The following CDH13 variants were observed in gnomAD, a reference collection of about 807,000 sequenced individuals.
The protein encoded by CDH13 is cadherin-13.
In CDH13, 24 loss-of-function variants were observed where a neutral mutation model predicts 63.8. That is an observed-to-expected ratio of 0.38 (90% confidence interval 0.27 to 0.53). The LOEUF (loss-of-function observed/expected upper bound fraction) is 0.53, where lower values mean the gene tolerates loss of function less well. Among genes scored for constraint, CDH13 ranks in the 20% least tolerant of loss-of-function variants. CDH13 has a pLI of 0.85. For missense variants in CDH13, 1,049 were observed against 903.1 expected (o/e 1.16, Z -2.07); for synonymous variants, 503 against 355.3 (o/e 1.42, Z -4.67).
chr16:83,290,958 C>G (rs889495690), intron 5 of CDH13, among the ~76,000 whole-genome samples: 2 of 152,156 alleles, frequency 1.3e-5, no homozygotes, highest in African/African-American at 4.8e-5. Flanking sequence ...CCGTGAGGAG[C>G]CTCCTTCCAC....
intron 5 of CDH13, among the ~76,000 whole-genome samples, chr16:83,341,845 T>C (rs1297334852): frequency 2.0e-5 from 3 of 152,188 alleles, no homozygotes; most frequent in African/African-American, 2.4e-5. Flanking sequence ...GAGTCTGCTA[T>C]TGCTATTCCT....
chr16:83,268,764 C>A (rs1283991697), intron 5 of CDH13, among the ~76,000 whole-genome samples: 1 of 152,172 alleles, frequency 6.6e-6, no homozygotes, highest in East Asian at 1.9e-4. Context: ...AGTCCATGAA[C>A]TACTATTGGG....
At chr16:82,918,130 G>A (rs1327605788) in intron 2 of CDH13, among the ~76,000 whole-genome samples, 1 of 152,156 alleles carries the variant, frequency 6.6e-6, no homozygotes, top group African/African-American at 2.4e-5. Flanking sequence ...AGCAAATGCA[G>A]AACCACACAG....
At chr16:82,799,312 A>G (rs1057103458) in intron 1 of CDH13, among the ~76,000 whole-genome samples, 2 of 152,228 alleles carry the variant, frequency 1.3e-5, no homozygotes, top group Non-Finnish European at 2.9e-5. Flanking sequence ...GAAATATTGT[A>G]TACAGCCCAA....
At chr16:82,755,703 T>A (rs1293283759) in intron 1 of CDH13, among the ~76,000 whole-genome samples, 1 of 152,182 alleles carries the variant, frequency 6.6e-6, no homozygotes, top group Admixed American at 6.5e-5. Context: ...GACGTCAAGG[T>A]CTATGAGCAA....
In CDH13 at chr16:82,803,240, A is replaced by C. The variant is rs1246376633; in HGVS notation, c.46-55122A>C. On this transcript the variant is annotated intron_variant, in intron 1 of 13. Transcript: ENST00000567109. ...CCATGGTGCTTGAATAGCACCACAA[A>C]GACGTGGAGAGGTAAAAGACATAAG... Among the ~76,000 whole-genome samples the C allele has an allele frequency of 2.0e-5, 3 of 152,216 alleles. No individual in the cohort carries two copies. The East Asian group carries it at 5.8e-4, about 29-fold the overall frequency.
At chr16:83,793,644 A>G (rs2151022893) in intron 13 of CDH13, among the ~76,000 whole-genome samples, 1 of 152,176 alleles carries the variant, frequency 6.6e-6, no homozygotes, top group East Asian at 1.9e-4. Context: ...TGGAACCTGT[A>G]AACATGTTAC....
At chr16:83,730,696 C>A (rs183636976) in intron 10 of CDH13, among the ~76,000 whole-genome samples, 1 of 152,176 alleles carries the variant, frequency 6.6e-6, no homozygotes, top group Admixed American at 6.5e-5. Context: ...TTCAGGGGGT[C>A]CATGGGCAGG....
chr16:83,192,468 A>G (rs2038749125), intron 4 of CDH13, among the ~76,000 whole-genome samples: 1 of 152,174 alleles, frequency 6.6e-6, no homozygotes. Context: ...ACTAGCTGCA[A>G]TCTTGCATTT....
At chr16:83,191,528 C>CATATATATATATATATATATAT (rs1479803621) in intron 4 of CDH13, among the ~76,000 whole-genome samples, 1 of 70,104 alleles carries the variant, frequency 1.4e-5, no homozygotes, top group African/African-American at 6.8e-5. Context: ...CACACACACA[C>CATATATATATATATATATATAT]ACATATATAT....
intron 5 of CDH13, among the ~76,000 whole-genome samples, chr16:83,290,270 C>T (rs1389097103): frequency 1.3e-5 from 2 of 152,312 alleles, no homozygotes; most frequent in South Asian, 4.1e-4. Flanking sequence ...AAACAATTCA[C>T]TCTTCAGTCC....
chr16:82,944,016 T>A (rs1037634779), intron 2 of CDH13, among the ~76,000 whole-genome samples: 2 of 152,182 alleles, frequency 1.3e-5, no homozygotes, highest in African/African-American at 4.8e-5. Flanking sequence ...AGATAGCCCT[T>A]TATCAGCTGA....
At chr16:83,469,754 A>G (rs2073408504) in intron 6 of CDH13, among the ~76,000 whole-genome samples, 1 of 152,196 alleles carries the variant, frequency 6.6e-6, no homozygotes, top group African/African-American at 2.4e-5. Flanking sequence ...GTTGAATAAA[A>G]TGCATTGTTT....
intron 4 of CDH13, among the ~76,000 whole-genome samples, chr16:83,148,261 C>T (rs1056685069): frequency 2.6e-5 from 4 of 152,046 alleles, no homozygotes; most frequent in African/African-American, 7.2e-5. Context: ...TTTAAGGGGC[C>T]AGAGAGACCA....
At chr16:83,108,879 C>G (rs1597352077) in intron 3 of CDH13, among the ~76,000 whole-genome samples, 1 of 152,184 alleles carries the variant, frequency 6.6e-6, no homozygotes, top group Non-Finnish European at 1.5e-5. Flanking sequence ...CCTTGCCCTT[C>G]CGAGTCACAG....
Position 83,796,356 on chromosome 16 carries a change from C to G in CDH13, c.*1326C>G, listed in dbSNP as rs1280688929. Reference sequence around the variant, plus strand: ...GTCTTAGCATATTTTAATGCAGTTGCTTACTAAAGGTTTTAACCGCACATG... The same window carrying G: ...GTCTTAGCATATTTTAATGCAGTTGGTTACTAAAGGTTTTAACCGCACATG... On this transcript the variant is annotated 3_prime_UTR_variant, in exon 14 of 14. Coordinates refer to ENST00000567109, the MANE Select transcript of CDH13 (RefSeq NM_001257.5). The G allele has an allele frequency of 3.3e-5, 5 of 152,170 alleles. No homozygotes were observed. Among genetic ancestry groups the G allele is most frequent in the African/African-American group, 1.2e-4 (5 of 41,446 alleles). The allele number at this position is 152,170 out of a possible 1,614,324, so 9.4% of individuals were successfully genotyped here. A position where few individuals can be genotyped will look rare whatever the true frequency, so the allele number is the denominator to read the frequency against.
intron 2 of CDH13, among the ~76,000 whole-genome samples, chr16:82,909,671 C>T (rs1259036515): frequency 1.3e-5 from 2 of 152,082 alleles, no homozygotes; most frequent in African/African-American, 4.8e-5. Flanking sequence ...CACCGGATCT[C>T]ATGAGATGAG....
At chr16:82,692,636 C>T (rs1360937892) in intron 1 of CDH13, among the ~76,000 whole-genome samples, 1 of 152,164 alleles carries the variant, frequency 6.6e-6, no homozygotes, top group African/African-American at 2.4e-5. Flanking sequence ...CCAGCCAGAC[C>T]ACATCAGAAA....
intron 4 of CDH13, among the ~76,000 whole-genome samples, chr16:83,163,317 TACATA>T (rs2037526370): frequency 6.6e-6 from 1 of 152,082 alleles, no homozygotes; most frequent in South Asian, 2.1e-4. Context: ...CTTTGTTCCC[TACATA>T]GGTTCTCTGC....
Sources: allele counts gnomAD v4.1 joint callset (sites outside exome capture counted in the v4.1 genomes callset), GRCh38; gene constraint gnomAD v4.1.1; transcripts MANE v1.5; gene names NCBI Gene and HGNC (gene_info 2026-07-23, HGNC 2026-07-21).